PTPRD: variants seen among roughly 807,000 people sequenced by gnomAD.
PTPRD encodes protein tyrosine phosphatase receptor type D.
PTPRD carries 34 observed loss-of-function variants against 214.5 expected under a neutral mutation model. The ratio of observed to expected loss-of-function variants is 0.16; its 90% CI spans 0.12 to 0.21. The LOEUF (loss-of-function observed/expected upper bound fraction) is 0.21, where lower values mean the gene tolerates loss of function less well. Ranked by LOEUF, PTPRD falls within the 10% of genes least tolerant of loss-of-function variation. PTPRD has a pLI of 1.00. For missense variants in PTPRD, 2,545 were observed against 2,398.7 expected (o/e 1.06, Z -1.27); for synonymous variants, 1,128 against 845.7 (o/e 1.33, Z -5.79).
intron 8 of PTPRD, among the ~76,000 whole-genome samples, chr9:9,407,366 A>G (rs2073859284): frequency 6.6e-6 from 1 of 151,770 alleles, no homozygotes; most frequent in Non-Finnish European, 1.5e-5. Flanking sequence ...TTTCTACCTA[A>G]CATGATTATA....
chr9:8,662,166 G>A (rs1456505745), intron 12 of PTPRD, among the ~76,000 whole-genome samples: 2 of 152,118 alleles, frequency 1.3e-5, no homozygotes, highest in Non-Finnish European at 2.9e-5. Flanking sequence ...TTACATAAGT[G>A]AGAGACAACC....
chr9:8,764,404 A>T (rs2094579660), intron 11 of PTPRD, among the ~76,000 whole-genome samples: 2 of 152,296 alleles, frequency 1.3e-5, no homozygotes, highest in Admixed American at 1.3e-4. Context: ...TAACACCCTG[A>T]CAGTTTAGAG....
rs570008067 is a variant in PTPRD, at chr9:10,229,246, T to G, written c.-545+111717A>C. 5.3e-3 allele frequency among the ~76,000 whole-genome samples: 799 copies of G among 152,178 alleles called. 3 individuals are homozygous for G. Among genetic ancestry groups the G allele is most frequent in the Non-Finnish European group, 8.3e-3 (563 of 67,988 alleles). ...TGGAGAAATAGGAACACTTTTACAC[T>G]GTTGGCGGGACTGTAAACTAGTTCA... On this transcript the variant is annotated intron_variant, in intron 3 of 45. Coordinates refer to ENST00000381196, the MANE Select transcript of PTPRD (RefSeq NM_002839.4).
At chr9:8,564,153 A>G (rs900771926) in intron 14 of PTPRD, among the ~76,000 whole-genome samples, 13 of 1,306 alleles carry the variant, frequency 1.0e-2, no homozygotes, top group Non-Finnish European at 0.013. Context: ...TAAGCAACCA[A>G]TACACTATAT....
At chr9:9,181,282 G>A (rs913844449) in intron 10 of PTPRD, among the ~76,000 whole-genome samples, 28 of 151,626 alleles carry the variant, frequency 1.8e-4, no homozygotes, top group African/African-American at 6.1e-4. Flanking sequence ...TCTTGTTTTC[G>A]TTTTTATTCA....
intron 5 of PTPRD, among the ~76,000 whole-genome samples, chr9:9,861,716 C>A (rs2062821976): frequency 6.6e-6 from 1 of 151,964 alleles, no homozygotes; most frequent in South Asian, 2.1e-4. Flanking sequence ...ATATATTGAG[C>A]TTATATATAG....
At chr9:9,126,713 G>A (rs1272421714) in intron 10 of PTPRD, among the ~76,000 whole-genome samples, 1 of 152,180 alleles carries the variant, frequency 6.6e-6, no homozygotes, top group African/African-American at 2.4e-5. Context: ...ATGGTAAAGT[G>A]AAAATTTTAA....
chr9:10,265,478 C>G (rs2093992114), intron 3 of PTPRD, among the ~76,000 whole-genome samples: 1 of 152,152 alleles, frequency 6.6e-6, no homozygotes, highest in Admixed American at 6.5e-5. Context: ...TAACTGCTGA[C>G]AGAATTATGA....
chr9:8,654,720 C>T (rs1290902837), intron 12 of PTPRD, among the ~76,000 whole-genome samples: 2 of 152,028 alleles, frequency 1.3e-5, no homozygotes, highest in Non-Finnish European at 2.9e-5. Context: ...CTAAGTGAAA[C>T]AACCAATAAT....
intron 8 of PTPRD, among the ~76,000 whole-genome samples, chr9:9,467,588 C>CAAAAAAATAAAAAAAAAAAAAAAAAATAA (rs2094287717): frequency 1.8e-5 from 1 of 55,954 alleles, no homozygotes; most frequent in African/African-American, 6.6e-5. Context: ...CTCCATCTCC[C>CAAAAAAATAAAAAAAAAAAAAAAAAATAA]AAAAAAAAAA....
intron 27 of PTPRD, among the ~76,000 whole-genome samples, chr9:8,491,755 C>A (rs2097155543): frequency 6.6e-6 from 1 of 151,446 alleles, no homozygotes; most frequent in Admixed American, 6.6e-5. Context: ...TGGCAGGATG[C>A]GAGCGAGGCA....
chr9:9,363,818 G>A (rs919234149), intron 9 of PTPRD, among the ~76,000 whole-genome samples: 1 of 151,182 alleles, frequency 6.6e-6, no homozygotes, highest in African/African-American at 2.4e-5. Flanking sequence ...GACAACTGAG[G>A]GAACTAAGGT....
At chr9:10,513,547 C>G (rs1246961567) in intron 2 of PTPRD, among the ~76,000 whole-genome samples, 2 of 152,124 alleles carry the variant, frequency 1.3e-5, no homozygotes, top group Non-Finnish European at 2.9e-5. Context: ...GTCATTAGAG[C>G]TGGTTACCAA....
intron 13 of PTPRD, among the ~76,000 whole-genome samples, chr9:8,634,922 G>C (rs1325368207): frequency 4.0e-5 from 6 of 151,370 alleles, no homozygotes; most frequent in Non-Finnish European, 8.8e-5. Context: ...ATCCAGTATT[G>C]ATTTCATGCC....
Position 8,851,440 on chromosome 9 carries a change from T to A in PTPRD, c.-103-117494A>T, listed in dbSNP as rs960830607. The stretch of plus-strand genomic sequence containing the variant: ...CCATGCTAATATGTACAGACTTTAA[T>A]AAATGTGCTAAGCAGAAAAAGAGAG... On this transcript the variant is annotated intron_variant, in intron 11 of 45. Transcript: ENST00000381196. Among the ~76,000 whole-genome samples, 7 of 152,318 alleles carry A rather than the reference T, an allele frequency of 4.6e-5. No individual in the cohort carries two copies. The East Asian group carries it at 9.7e-4, about 21-fold the overall frequency.
At chr9:10,458,527 T>C (rs550964996) in intron 2 of PTPRD, among the ~76,000 whole-genome samples, 14 of 152,140 alleles carry the variant, frequency 9.2e-5, no homozygotes, top group South Asian at 6.2e-4. Flanking sequence ...AGTTTAGACA[T>C]AGACGAAAAG....
chr9:8,834,215 T>C (rs767750447), intron 11 of PTPRD, among the ~76,000 whole-genome samples: 17 of 152,116 alleles, frequency 1.1e-4, no homozygotes, highest in Admixed American at 1.3e-4. Context: ...TTCCATGATA[T>C]TAAATAATTA....
chr9:9,558,711 G>T (rs1013214543), intron 8 of PTPRD, among the ~76,000 whole-genome samples: 4 of 152,164 alleles, frequency 2.6e-5, no homozygotes, highest in African/African-American at 9.7e-5. Context: ...TAGCTACTCC[G>T]TTTACACCTG....
intron 11 of PTPRD, among the ~76,000 whole-genome samples, chr9:8,772,784 A>T (rs1241400514): frequency 2.0e-5 from 3 of 151,890 alleles, no homozygotes; most frequent in Non-Finnish European, 4.4e-5. Context: ...TTCCTTCTAT[A>T]TCTGGTAATT....
Sources: allele counts gnomAD v4.1 joint callset (sites outside exome capture counted in the v4.1 genomes callset), GRCh38; gene constraint gnomAD v4.1.1; transcripts MANE v1.5; gene names NCBI Gene and HGNC (gene_info 2026-07-23, HGNC 2026-07-21).